Variants in USP35 observed in about 807,000 individuals in gnomAD.
The protein encoded by USP35 is ubiquitin carboxyl-terminal hydrolase 35.
In USP35, 69 loss-of-function variants were observed where a neutral mutation model predicts 83.8. The observed-to-expected ratio is 0.82, with a 90% confidence interval of 0.68 to 1.01. USP35 has a LOEUF of 1.01. Among genes scored for constraint, USP35 ranks in the 50% least tolerant of loss-of-function variants. USP35 has a pLI of 0.00. For missense variants in USP35, 1,503 were observed against 1,362.5 expected, an observed-to-expected ratio of 1.10 and a Z score of -1.62; for synonymous variants, 714 against 589.5, an observed-to-expected ratio of 1.21 and a Z score of -3.06.
At chr11:78,219,196 C>CGGGAGAG (rs368153717), downstream of USP35, 133 of 1,371,438 alleles carry the variant, frequency 9.7e-5, no homozygotes, top group South Asian at 1.4e-3. Context: ...GGAGGAAGAA[C>CGGGAGAG]GGGAGAGGGG....
In USP35 at chr11:78,199,592, C is replaced by T; in HGVS notation, c.807-3C>T. 1 of 1,614,164 alleles carries T rather than the reference C, an allele frequency of 6.2e-7. No homozygotes were observed. The highest frequency in any genetic ancestry group is 1.3e-5 in the African/African-American group (1 of 75,056). On this transcript the variant is annotated splice_polypyrimidine_tract_variant and splice_region_variant and intron_variant, in intron 3 of 10. Transcript: ENST00000529308. ...CCTGTGTCACTGTCACTCCCCTCAC[C>T]AGGATGATTGACTGGGTGTCCTGGC...
chr11:78,201,535 GA>G (rs1863359928), intron 6 of USP35, among the ~76,000 whole-genome samples: 1 of 152,190 alleles, frequency 6.6e-6, no homozygotes, highest in Non-Finnish European at 1.5e-5. Flanking sequence ...CCAGAGGAAG[GA>G]AAGATCTTCT....
At chr11:78,219,420 G>C, downstream of USP35, 2 of 1,613,792 alleles carry the variant, frequency 1.2e-6, no homozygotes, top group South Asian at 1.1e-5. Flanking sequence ...AGATGGCTGA[G>C]GGGACAGAGT....
chr11:78,192,566 G>A (rs1863036428), intron 1 of USP35, among the ~76,000 whole-genome samples: 1 of 152,210 alleles, frequency 6.6e-6, no homozygotes. Context: ...TCCTCAGACT[G>A]CCTGCGTGGG....
chr11:78,208,776 A>G, intron 8 of USP35, 81 bp from the exon 9 acceptor site: 6 of 1,454,622 alleles, frequency 4.1e-6, no homozygotes, highest in Non-Finnish European at 4.8e-6. Context: ...AATGAGGTAG[A>G]CCCTCAGGCC....
At chr11:78,217,377 TAGG>T (rs1319616472), downstream of USP35, 1 of 152,198 alleles carries the variant, frequency 6.6e-6, no homozygotes, top group Non-Finnish European at 1.5e-5. Flanking sequence ...AAACTAATGC[TAGG>T]AGGAGAGGTG....
chr11:78,208,825 C>G (rs764024385), intron 8 of USP35, 32 bp from the exon 9 acceptor site: 1 of 1,612,426 alleles, frequency 6.2e-7, no homozygotes, highest in South Asian at 1.1e-5. Flanking sequence ...GCCTCCTGCT[C>G]CTGACCATGC....
chr11:78,195,048 A>G (rs1863103388), intron 1 of USP35, among the ~76,000 whole-genome samples: 1 of 152,186 alleles, frequency 6.6e-6, no homozygotes, highest in African/African-American at 2.4e-5. Flanking sequence ...CAGAGGGCAC[A>G]CGGTGAGCCA....
chr11:78,225,262 C>T, the USP35 span: 1 of 1,099,372 alleles, frequency 9.1e-7, no homozygotes, highest in Non-Finnish European at 1.4e-6. Flanking sequence ...GACACTTACC[C>T]ATACCCTCAC....
At chr11:78,217,740 T>G (rs535527713), downstream of USP35, 1 of 152,224 alleles carries the variant, frequency 6.6e-6, no homozygotes, top group African/African-American at 2.4e-5. Flanking sequence ...CTTTCAAACC[T>G]GGGGAGGAGA....
intron 10 of USP35, 109 bp from the exon 11 acceptor site, chr11:78,213,537 A>G (rs1406841456): frequency 6.2e-6 from 8 of 1,289,450 alleles, no homozygotes; most frequent in Non-Finnish European, 8.1e-6. Flanking sequence ...CTGTGTGTCC[A>G]GGCCCTGGGG....
At chr11:78,229,179 A>G in the USP35 span, among the ~76,000 whole-genome samples, 1 of 152,186 alleles carries the variant, frequency 6.6e-6, no homozygotes, top group Non-Finnish European at 1.5e-5. Context: ...AGCCTCCTTC[A>G]GAGATGTTTT....
At position 78,210,048 on chromosome 11, in the gene USP35, GGAA is replaced by G. The variant is rs757603234; in HGVS notation, c.2199_2201del (p.Glu733del). On this transcript the variant is annotated inframe_deletion, in exon 10 of 11. Transcript: ENST00000529308. ...CAGAAAAGGAGGCTGAGCAGGAAAA[GGAA>G]GAAGACAGCCTGGGAGCGGGGACCC... The G allele has an allele frequency of 6.1e-5, 99 of 1,613,746 alleles. No individual in the cohort carries two copies. The highest frequency in any genetic ancestry group is 2.0e-4 in the African/African-American group (15 of 74,922).
At chr11:78,208,773 T>TAG (rs1863614747) in intron 8 of USP35, 84 bp from the exon 9 acceptor site, 8 of 1,453,164 alleles carry the variant, frequency 5.5e-6, no homozygotes, top group African/African-American at 1.4e-5. Context: ...GGGAATGAGG[T>TAG]AGACCCTCAG....
At chr11:78,198,618 C>T (rs1796639637) in intron 3 of USP35, 1 of 985,342 alleles carries the variant, frequency 1.0e-6, no homozygotes, top group South Asian at 4.7e-5. Context: ...ACCTGGCATG[C>T]CTCCCTCTGC....
chr11:78,203,396 C>G (rs781593792), intron 6 of USP35, among the ~76,000 whole-genome samples: 5 of 152,080 alleles, frequency 3.3e-5, no homozygotes, highest in East Asian at 1.9e-4. Flanking sequence ...GCCTTGAAAA[C>G]TAGGTTGCAC....
intron 10 of USP35, 62 bp downstream of exon 10, chr11:78,210,806 T>A: frequency 6.8e-7 from 1 of 1,465,580 alleles, no homozygotes; most frequent in Non-Finnish European, 9.1e-7. Context: ...GTCCCACTAC[T>A]GGCTTAGATA....
chr11:78,196,578 G>A lies in USP35; in HGVS notation c.333G>A (p.Leu111=). The stretch of plus-strand genomic sequence containing the variant: ...GCGTGCAGCTGGGTCTGCAGCTGCT[G>A]CCCGAGGGGCCTGCGGCCGACGAGG... The part of the protein sequence containing the change: ...LACVQLGLQL[L]PEGPAADEVF... Residue 111 remains leucine (L), a synonymous_variant, in exon 2 of 11, where the codon CTG becomes CTA. Transcript: ENST00000529308. The surrounding 1 kb of genome is among the most constrained non-coding windows in gnomAD (Gnocchi z 4.8). The A allele has an allele frequency of 8.0e-7, 1 of 1,244,750 alleles. No homozygotes were observed. The highest frequency in any genetic ancestry group is 2.3e-5 in the South Asian group (1 of 43,882). 77.1% of individuals were successfully genotyped at this position (1,244,750 alleles called of 1,614,324 possible).
Position 78,196,145 on chromosome 11 carries a change from CT to C in USP35, c.-10-89del. 1 of 1,446,702 alleles carries C rather than the reference CT, an allele frequency of 6.9e-7. No individual in the cohort carries two copies. Among genetic ancestry groups the C allele is most frequent in the East Asian group, 2.7e-5 (1 of 36,684 alleles). The allele number at this position is 1,446,702 out of a possible 1,614,324, so 89.6% of individuals were successfully genotyped here. The stretch of plus-strand genomic sequence containing the variant: ...ACTGAGGCCCAGAAAGTTTGAGTTG[CT>C]TGCCCTAAGTCTCAGCACTCGGGGA... On this transcript the variant is annotated intron_variant, in intron 1 of 10. Transcript: ENST00000529308. The surrounding 1 kb of genome is among the most constrained non-coding windows in gnomAD (Gnocchi z 4.8).
Sources: allele counts gnomAD v4.1 joint callset (sites outside exome capture counted in the v4.1 genomes callset), GRCh38; gene constraint gnomAD v4.1.1; non-coding constraint Gnocchi (gnomAD v3.1); transcripts MANE v1.5; gene names NCBI Gene and HGNC (gene_info 2026-07-23, HGNC 2026-07-21).